Variants in PRKX observed in about 807,000 individuals in gnomAD.
PRKX encodes the protein protein kinase cAMP-dependent X-linked catalytic subunit, also known as cAMP-dependent protein kinase catalytic subunit PRKX.
PRKX carries 12 observed loss-of-function variants against 22.0 expected under a neutral mutation model. The observed-to-expected ratio is 0.54, with a 90% CI of 0.35 to 0.88. The LOEUF (loss-of-function observed/expected upper bound fraction) is 0.88. Ranked by LOEUF, PRKX falls within the 40% of genes least tolerant of loss-of-function variation. The pLI, the probability that PRKX is intolerant of heterozygous loss-of-function variation, is 0.01. For synonymous variants in PRKX, 134 were observed against 137.7 expected (o/e 0.97, Z 0.19); for missense variants, 217 against 308.0 (o/e 0.70, Z 2.21).
At chrX:3,629,402 C>T (rs892344049) in intron 4 of PRKX, among the ~76,000 whole-genome samples, 9 of 107,913 alleles carry the variant, frequency 8.3e-5, no homozygotes, top group African/African-American at 2.4e-4. Flanking sequence ...TGCACCACCA[C>T]GCCAGGGTTT....
chrX:3,610,251 T>C (rs145668641), intron 8 of PRKX, among the ~76,000 whole-genome samples: 1,461 of 111,343 alleles, frequency 0.013, 29 homozygotes, highest in African/African-American at 0.045. Flanking sequence ...GAGGCCGAGG[T>C]GGGCAGATTG....
At chrX:3,635,248 T>C (rs2146568343) in intron 4 of PRKX, among the ~76,000 whole-genome samples, 1 of 111,661 alleles carries the variant, frequency 9.0e-6, no homozygotes, top group African/African-American at 3.3e-5. Flanking sequence ...GGCCAACATG[T>C]TTGAGAACCA....
chrX:3,680,611 C>T lies in PRKX; in HGVS notation c.167-5845G>A, dbSNP rs190199865. ...GTGTAACTGTAAACATACACATACA[C>T]ATTACGGTCACCAAAAAATGACAGC... On this transcript the variant is annotated intron_variant, in intron 1 of 8. Coordinates refer to ENST00000262848, the MANE Select transcript of PRKX (RefSeq NM_005044.5). 2.0e-3 allele frequency among the ~76,000 whole-genome samples: 225 copies of T among 112,644 alleles called. 1 individual carries two copies. The highest frequency in any genetic ancestry group is 0.014 in the Middle Eastern group (3 of 216).
chrX:3,677,488 G>A (rs751271305), intron 1 of PRKX, among the ~76,000 whole-genome samples: 5 of 108,561 alleles, frequency 4.6e-5, no homozygotes, highest in South Asian at 8.1e-4. Flanking sequence ...CACCAAGGGC[G>A]GATAATTTTT....
At chrX:3,710,868 G>C (rs910380697) in intron 1 of PRKX, among the ~76,000 whole-genome samples, 1 of 111,213 alleles carries the variant, frequency 9.0e-6, no homozygotes, top group Non-Finnish European at 1.9e-5. Context: ...GATGAAGAGA[G>C]GTCACACCCA....
At chrX:3,632,705 C>A (rs938902420) in intron 4 of PRKX, among the ~76,000 whole-genome samples, 2 of 111,891 alleles carry the variant, frequency 1.8e-5, no homozygotes, top group Admixed American at 1.9e-4. Flanking sequence ...GTCTGAGAAA[C>A]AGCACTCCCC....
chrX:3,626,806 T>C (rs1234897233), intron 4 of PRKX, among the ~76,000 whole-genome samples: 3 of 111,728 alleles, frequency 2.7e-5, no homozygotes, highest in Non-Finnish European at 5.6e-5. Context: ...GGGCATCTTA[T>C]TGAGGGGCCA....
At chrX:3,664,537 T>C (rs1295739374) in intron 2 of PRKX, among the ~76,000 whole-genome samples, 1 of 112,500 alleles carries the variant, frequency 8.9e-6, no homozygotes, top group African/African-American at 3.2e-5. Flanking sequence ...CATGCCTGGA[T>C]TTTTTTGAGT....
intron 4 of PRKX, among the ~76,000 whole-genome samples, chrX:3,630,500 C>T (rs998277316): frequency 2.7e-5 from 3 of 111,577 alleles, no homozygotes; most frequent in African/African-American, 9.8e-5. Flanking sequence ...GCGGAGCTTG[C>T]AGTGAGCCGA....
intron 2 of PRKX, among the ~76,000 whole-genome samples, chrX:3,673,099 G>A (rs1160085491): frequency 3.6e-5 from 4 of 111,785 alleles, no homozygotes; most frequent in Non-Finnish European, 5.6e-5. Context: ...GGGTCTAGAG[G>A]AGAAGGCAGG....
chrX:3,646,748 G>T (rs1160125297), intron 3 of PRKX, among the ~76,000 whole-genome samples: 2 of 110,274 alleles, frequency 1.8e-5, no homozygotes, highest in Non-Finnish European at 3.8e-5. Context: ...GTCTGATGGG[G>T]ACAAACAGTT....
At chrX:3,638,275 A>C (rs771944822) in intron 4 of PRKX, among the ~76,000 whole-genome samples, 2 of 74,789 alleles carry the variant, frequency 2.7e-5, no homozygotes, top group East Asian at 1.1e-3. Context: ...GCGTACCCTG[A>C]GACTAATATT....
At chrX:3,686,046 TCAA>T (rs1043021925) in intron 1 of PRKX, among the ~76,000 whole-genome samples, 10 of 111,551 alleles carry the variant, frequency 9.0e-5, no homozygotes, top group Non-Finnish European at 1.3e-4. Context: ...AGACCCCCTC[TCAA>T]CAACAACAAC....
chrX:3,609,104 T>C (rs1569228445), intron 8 of PRKX, among the ~76,000 whole-genome samples, 159 bp from the exon 9 acceptor site: 1 of 112,298 alleles, frequency 8.9e-6, no homozygotes. Context: ...TAAGCCTGAA[T>C]TCTAAAAGGA....
chrX:3,613,121 A>C (rs1926333159), intron 7 of PRKX, among the ~76,000 whole-genome samples: 1 of 89,586 alleles, frequency 1.1e-5, no homozygotes, highest in Non-Finnish European at 2.2e-5. Context: ...ACTGAACTCC[A>C]GCCTGGGCAA....
In PRKX at chrX:3,608,039, GC is replaced by G. The variant is rs1215987324; in HGVS notation, c.*929del. 9.3e-6 allele frequency: 1 copy of G among 107,908 alleles called. No homozygotes were observed. The highest frequency in any genetic ancestry group is 1.9e-5 in the Non-Finnish European group (1 of 52,237). 8.9% of individuals were successfully genotyped at this position (107,908 alleles called of 1,213,427 possible). A position where few individuals can be genotyped will look rare whatever the true frequency, so the allele number is the denominator to read the frequency against. ...TGAGACTACACTCACGTGCCACCATGCCCGGCTAATTTTTTTGTATTTTGTA... is the reference window on the plus strand; with the variant it reads ...TGAGACTACACTCACGTGCCACCATGCCGGCTAATTTTTTTGTATTTTGTA... On this transcript the variant is annotated 3_prime_UTR_variant, in exon 9 of 9. Coordinates refer to ENST00000262848, the MANE Select transcript of PRKX (RefSeq NM_005044.5).
intron 6 of PRKX, among the ~76,000 whole-genome samples, chrX:3,616,500 CTCA>C (rs999194478): frequency 2.4e-4 from 27 of 111,733 alleles, no homozygotes; most frequent in Non-Finnish European, 4.7e-4. Flanking sequence ...CTCCCAAGTG[CTCA>C]TCCGTAAACC....
intron 2 of PRKX, among the ~76,000 whole-genome samples, chrX:3,661,944 C>G (rs761136197): frequency 8.9e-6 from 1 of 112,220 alleles, no homozygotes; most frequent in Non-Finnish European, 1.9e-5. Flanking sequence ...CTAACACTTA[C>G]TGTACATACT....
At chrX:3,635,586 A>AT (rs371440231) in intron 4 of PRKX, among the ~76,000 whole-genome samples, 1,294 of 104,504 alleles carry the variant, frequency 0.012, 29 homozygotes, top group African/African-American at 0.042. Flanking sequence ...GCTTTAGCTG[A>AT]TTTTTTTTTT....
Sources: allele counts gnomAD v4.1 joint callset (sites outside exome capture counted in the v4.1 genomes callset), GRCh38; gene constraint gnomAD v4.1.1; transcripts MANE v1.5; gene names NCBI Gene and HGNC (gene_info 2026-07-23, HGNC 2026-07-21).